The following ZNF208 variants were observed in gnomAD, a reference collection of about 807,000 sequenced individuals.
ZNF208 encodes zinc finger protein 95.
In ZNF208, 10 loss-of-function variants were observed where a neutral mutation model predicts 12.1. The observed-to-expected ratio is 0.83, with a 90% CI of 0.51 to 1.40. ZNF208 has a LOEUF of 1.40. ZNF208 is among the 40% of genes most tolerant of loss of function. ZNF208 has a pLI of 0.00. For synonymous variants in ZNF208, 497 were observed against 488.4 expected (o/e 1.02, Z -0.23); for missense variants, 1,652 against 1,485.0 (o/e 1.11, Z -1.85).
rs1274603852 is a variant in ZNF208 at position 21,972,397 on chromosome 19, A to G, written c.2637T>C (p.His879=). 2.5e-6 allele frequency: 4 copies of G among 1,612,246 alleles called. No homozygotes were observed. In the African/African-American group the frequency reaches 5.3e-5, roughly 22 times the overall value. Residue 879 remains histidine (H), a synonymous_variant, in exon 4 of 4, where the codon CAT becomes CAC. Coordinates refer to ENST00000397126, the MANE Select transcript of ZNF208 (RefSeq NM_007153.3). ...AYKWPSTLSY[H]KKIHTGEKPY... ...GTTTCTCTCCAGTATGAATTTTCTT[A>G]TGATAACTAAGGGTTGAGGGCCATT...
rs940672299 is a variant in ZNF208, at chr19:21,982,095, C to T, written c.226+5121G>A. Among the ~76,000 whole-genome samples the T allele has an allele frequency of 9.2e-5, 14 of 152,186 alleles. No individual in the cohort carries two copies. The East Asian group carries it at 1.7e-3, about 19-fold the overall frequency. ...TTCCATGGCTGGGCGCAGTGGCTAA[C>T]GTCTGTAATCCCACCATTTTGGGAG... is the stretch of plus-strand genomic sequence containing the variant. On this transcript the variant is annotated intron_variant, in intron 3 of 3. Coordinates refer to ENST00000397126, the MANE Select transcript of ZNF208 (RefSeq NM_007153.3).
At chr19:22,010,710 C>T (rs541552259) in intron 1 of ZNF208, 82 bp downstream of exon 1, 12 of 1,608,376 alleles carry the variant, frequency 7.5e-6, no homozygotes, top group Admixed American at 1.7e-5. Flanking sequence ...TGCGGGGAGG[C>T]CTGAGTCCCG....
At chr19:21,955,613 A>G (rs1969960766) in intron 4 of ZNF208, among the ~76,000 whole-genome samples, 1 of 152,030 alleles carries the variant, frequency 6.6e-6, no homozygotes, top group Non-Finnish European at 1.5e-5. Flanking sequence ...CTTCCACTTG[A>G]TTGAATTGGC....
At chr19:21,987,977 G>A (rs1970656602) in intron 2 of ZNF208, among the ~76,000 whole-genome samples, 1 of 151,984 alleles carries the variant, frequency 6.6e-6, no homozygotes, top group Non-Finnish European at 1.5e-5. Context: ...GTCGCCACCG[G>A]ACTTTCTGTA....
intron 4 of ZNF208, among the ~76,000 whole-genome samples, chr19:21,943,067 AAC>A (rs1300472319): frequency 1.3e-5 from 2 of 152,216 alleles, no homozygotes; most frequent in African/African-American, 4.8e-5. Flanking sequence ...TGTCTGAGAA[AAC>A]AGATTCTACT....
Position 21,988,793 on chromosome 19 carries a change from C to T in ZNF208, c.120G>A (p.Leu40=). 6.2e-7 allele frequency: 1 copy of T among 1,614,076 alleles called. No individual in the cohort carries two copies. Among genetic ancestry groups the T allele is most frequent in the Non-Finnish European group, 8.5e-7 (1 of 1,179,982 alleles). The part of the protein sequence containing the change: ...RNVMLENYRN[L]VFLGIAAFKP... ...TAAAGTTATTCTCACCCAGGAAGAC[C>T]AGGTTTCTGTAGTTCTCTAACATCA... is the stretch of plus-strand genomic sequence containing the variant. Residue 40 remains leucine (L), a synonymous_variant, in exon 2 of 4, where the codon CTG becomes CTA. Coordinates refer to ENST00000397126, the MANE Select transcript of ZNF208 (RefSeq NM_007153.3).
intron 1 of ZNF208, among the ~76,000 whole-genome samples, chr19:22,001,246 T>C (rs886358650): frequency 5.9e-5 from 9 of 151,818 alleles, no homozygotes; most frequent in African/African-American, 2.2e-4. Context: ...GATCGAGCCA[T>C]TGCACTCCAG....
chr19:21,979,227 A>C (rs1291511514), intron 3 of ZNF208, among the ~76,000 whole-genome samples: 1 of 152,174 alleles, frequency 6.6e-6, no homozygotes, highest in Admixed American at 6.5e-5. Flanking sequence ...AATACAGAGA[A>C]CACCACAAAG....
chr19:21,959,393 G>T (rs1384908749), intron 4 of ZNF208, among the ~76,000 whole-genome samples: 1 of 152,034 alleles, frequency 6.6e-6, no homozygotes, highest in Admixed American at 6.6e-5. Flanking sequence ...CACAGAAAAA[G>T]AAAAATTAAC....
chr19:21,954,130 T>G (rs1250433568), intron 4 of ZNF208, among the ~76,000 whole-genome samples: 1 of 152,220 alleles, frequency 6.6e-6, no homozygotes, highest in Non-Finnish European at 1.5e-5. Flanking sequence ...TCAGTTTCCA[T>G]GTAGTTAGCA....
chr19:21,978,590 G>A (rs1324964095), intron 3 of ZNF208, among the ~76,000 whole-genome samples: 5 of 152,148 alleles, frequency 3.3e-5, no homozygotes, highest in East Asian at 1.9e-4. Flanking sequence ...AAAGACCAAA[G>A]GTAGATAAAT....
At chr19:21,990,893 T>G (rs1259940948) in intron 1 of ZNF208, among the ~76,000 whole-genome samples, 1 of 152,218 alleles carries the variant, frequency 6.6e-6, no homozygotes, top group Non-Finnish European at 1.5e-5. Flanking sequence ...TCACTATGAT[T>G]TGGCTCTCTG....
At chr19:21,943,051 T>C (rs185075357) in intron 4 of ZNF208, among the ~76,000 whole-genome samples, 126 of 152,340 alleles carry the variant, frequency 8.3e-4, no homozygotes, top group African/African-American at 3.0e-3. Flanking sequence ...AAAATTCTCC[T>C]GTTATTGTCT....
intron 4 of ZNF208, among the ~76,000 whole-genome samples, chr19:21,950,260 C>T (rs772089879): frequency 1.3e-5 from 2 of 151,946 alleles, no homozygotes; most frequent in African/African-American, 2.4e-5. Flanking sequence ...TACTTTTATC[C>T]ACTCTTTCTT....
At chr19:22,000,152 G>T (rs181978375) in intron 1 of ZNF208, among the ~76,000 whole-genome samples, 2 of 152,148 alleles carry the variant, frequency 1.3e-5, no homozygotes, top group Admixed American at 1.3e-4. Context: ...ACAGATCATT[G>T]AAGAAGAAAA....
intron 3 of ZNF208, among the ~76,000 whole-genome samples, chr19:21,984,461 G>A (rs1568449729): frequency 6.6e-6 from 1 of 152,136 alleles, no homozygotes; most frequent in East Asian, 1.9e-4. Context: ...GCTGAGGCAG[G>A]GGAATCGCTT....
At chr19:21,960,878 T>G (rs1970055367) in intron 4 of ZNF208, among the ~76,000 whole-genome samples, 1 of 152,140 alleles carries the variant, frequency 6.6e-6, no homozygotes, top group Admixed American at 6.6e-5. Flanking sequence ...ATGGACAGTT[T>G]TAAACACAAA....
intron 4 of ZNF208, among the ~76,000 whole-genome samples, chr19:21,951,432 T>A (rs577484818): frequency 2.0e-5 from 3 of 152,334 alleles, no homozygotes; most frequent in South Asian, 4.1e-4. Context: ...ACATTTTTCC[T>A]AGGAGTAAAA....
rs566258902 is a variant in ZNF208 at position 21,953,237 on chromosome 19, C to T, written c.306-20000G>A. On this transcript the variant is annotated intron_variant, in intron 4 of 4. Transcript: ENST00000599916. Reference sequence around the variant, plus strand: ...GAGAATGGAACCAAGTAGGAAGATGCTCTTCAGGATATTAGCCAGGAGAAC... The same window carrying T: ...GAGAATGGAACCAAGTAGGAAGATGTTCTTCAGGATATTAGCCAGGAGAAC... Among the ~76,000 whole-genome samples the T allele has an allele frequency of 2.0e-5, 3 of 152,214 alleles. No homozygotes were observed. The South Asian group carries it at 6.2e-4, about 32-fold the overall frequency.
Sources: allele counts gnomAD v4.1 joint callset (sites outside exome capture counted in the v4.1 genomes callset), GRCh38; gene constraint gnomAD v4.1.1; transcripts MANE v1.5; gene names NCBI Gene and HGNC (gene_info 2026-07-23, HGNC 2026-07-21).